The following ADGRF3 variants were observed in gnomAD, a reference collection of about 807,000 sequenced individuals.
ADGRF3 encodes G protein-coupled receptor 113.
Under a neutral mutation model 93.2 loss-of-function variants are expected in ADGRF3, and 85 were observed. The ratio of observed to expected loss-of-function variants is 0.91; its 90% CI spans 0.77 to 1.09. The LOEUF (loss-of-function observed/expected upper bound fraction) is 1.09. Among genes scored for constraint, ADGRF3 ranks in the 50% least tolerant of loss-of-function variants. The pLI is 0.00. For synonymous variants in ADGRF3, 534 were observed against 532.5 expected (o/e 1.00, Z -0.04); for missense variants, 1,125 against 1,246.2 (o/e 0.90, Z 1.46).
At chr2:26,314,305 T>C in intron 6 of ADGRF3, 109 bp downstream of exon 6, 1 of 1,032,684 alleles carries the variant, frequency 9.7e-7, no homozygotes, top group South Asian at 1.6e-5. Context: ...GACCCCACTC[T>C]CTGGTTGAAC....
chr2:26,339,411 G>A (rs548313775), intron 1 of ADGRF3, among the ~76,000 whole-genome samples: 101 of 152,070 alleles, frequency 6.6e-4, no homozygotes, highest in Non-Finnish European at 1.2e-3. Flanking sequence ...CTTGAGAATC[G>A]CTTGATCCCG....
chr2:26,319,004 G>A (rs1202510108), intron 1 of ADGRF3: 1 of 1,551,718 alleles, frequency 6.4e-7, no homozygotes, highest in Non-Finnish European at 8.7e-7. Flanking sequence ...CCCAGCAGGG[G>A]AAGAGTTGTG....
Position 26,336,718 on chromosome 2 carries a change from T to G in ADGRF3, c.114+9403A>C, listed in dbSNP as rs558200943. On this transcript the variant is annotated intron_variant, in intron 1 of 13. Transcript: ENST00000651242. ...TCCAACCTTGGTGACAGAGTGAGAC[T>G]CCATAAAAAAAAAAAAAAAAAAAAA... 1.7e-3 allele frequency among the ~76,000 whole-genome samples: 98 copies of G among 56,908 alleles called. 1 individual carries two copies. Among genetic ancestry groups the G allele is most frequent in the African/African-American group, 6.7e-3 (91 of 13,568 alleles). The allele number at this position is 56,908 out of a possible 152,430, so 37.3% of individuals were successfully genotyped here.
At position 26,309,027 on chromosome 2, in the gene ADGRF3, C is replaced by G; in HGVS notation, c.*59G>C. Reference sequence around the variant, plus strand: ...TTCAGAGCATTGGGCCAGGGCTCATCTGGTGGGTTCAAGCACACAGCCTCA... The same window carrying G: ...TTCAGAGCATTGGGCCAGGGCTCATGTGGTGGGTTCAAGCACACAGCCTCA... On this transcript the variant is annotated 3_prime_UTR_variant, in exon 14 of 14. Coordinates refer to ENST00000651242, the MANE Select transcript of ADGRF3 (RefSeq NM_001321971.2). 1 of 1,613,402 alleles carries G rather than the reference C, an allele frequency of 6.2e-7. No individual in the cohort carries two copies. The highest frequency in any genetic ancestry group is 1.1e-5 in the South Asian group (1 of 91,064).
At position 26,308,212 on chromosome 2, in the gene ADGRF3, C is replaced by T. The variant is rs1415518128; in HGVS notation, c.*874G>A. The stretch of plus-strand genomic sequence containing the variant: ...CATTTTTATTTTAACAGAAAATGCC[C>T]CCGTCCCATTTTATAAAAAATATCC... On this transcript the variant is annotated 3_prime_UTR_variant, in exon 14 of 14. Coordinates refer to ENST00000651242, the MANE Select transcript of ADGRF3 (RefSeq NM_001321971.2). 1 of 151,920 alleles carries T rather than the reference C, an allele frequency of 6.6e-6. No individual in the cohort carries two copies. Among genetic ancestry groups the T allele is most frequent in the African/African-American group, 2.4e-5 (1 of 41,350 alleles). 9.4% of individuals were successfully genotyped at this position (151,920 alleles called of 1,614,324 possible). A position where few individuals can be genotyped will look rare whatever the true frequency, so the allele number is the denominator to read the frequency against.
chr2:26,332,569 G>A (rs772186549), intron 1 of ADGRF3, among the ~76,000 whole-genome samples: 2 of 151,930 alleles, frequency 1.3e-5, no homozygotes, highest in African/African-American at 4.8e-5. Flanking sequence ...GTGAAACCCC[G>A]TCTCTACAAA....
At chr2:26,309,294 TC>T in intron 13 of ADGRF3, 187 bp from the exon 14 acceptor site, 1 of 1,524,282 alleles carries the variant, frequency 6.6e-7, no homozygotes, top group Non-Finnish European at 8.8e-7. Flanking sequence ...TGGTGAAACT[TC>T]TTGCTTTCTT....
At chr2:26,331,177 A>G (rs1675745445) in intron 1 of ADGRF3, among the ~76,000 whole-genome samples, 1 of 152,154 alleles carries the variant, frequency 6.6e-6, no homozygotes, top group East Asian at 1.9e-4. Flanking sequence ...GATCATCTTT[A>G]TGATTATCAA....
chr2:26,309,154 T>G, intron 13 of ADGRF3, 47 bp from the exon 14 acceptor site: 1 of 1,614,036 alleles, frequency 6.2e-7, no homozygotes, highest in Non-Finnish European at 8.5e-7. Flanking sequence ...GCCCAACTTC[T>G]GCAGGCTGCC....
At chr2:26,312,105 T>A (rs1489121509) in intron 9 of ADGRF3, 31 bp from the exon 10 acceptor site, 5 of 1,569,784 alleles carry the variant, frequency 3.2e-6, no homozygotes, top group Non-Finnish European at 4.3e-6. Context: ...ATGAACCCCG[T>A]CTGCTGGCGC....
intron 3 of ADGRF3, among the ~76,000 whole-genome samples, chr2:26,316,704 C>G (rs376654498): frequency 6.6e-6 from 1 of 152,090 alleles, no homozygotes; most frequent in Non-Finnish European, 1.5e-5. Flanking sequence ...GGGCCATCAG[C>G]CAAAGTTAGA....
In ADGRF3 at chr2:26,314,483, G is replaced by A. The variant is rs765614949; in HGVS notation, c.859C>T (p.Leu287=). 1.2e-6 allele frequency: 2 copies of A among 1,614,064 alleles called. No homozygotes were observed. The highest frequency in any genetic ancestry group is 1.7e-6 in the Non-Finnish European group (2 of 1,179,898). Reference sequence around the variant, plus strand: ...TTTGTGCTGGGGATGCAGCAGCTCAGCTGGAAGCCAGGGGAGGTGGCACAG... The same window carrying A: ...TTTGTGCTGGGGATGCAGCAGCTCAACTGGAAGCCAGGGGAGGTGGCACAG... ...ISCATSPGFQ[L]SCCIPSTNLA... The change falls in exon 6 of 14, where the codon CTG becomes TTG. Residue 287 remains leucine (L), a synonymous_variant. Coordinates refer to ENST00000651242, the MANE Select transcript of ADGRF3 (RefSeq NM_001321971.2).
At chr2:26,328,287 A>C (rs550324670) in intron 1 of ADGRF3, among the ~76,000 whole-genome samples, 2 of 152,072 alleles carry the variant, frequency 1.3e-5, no homozygotes, top group Middle Eastern at 3.4e-3. Flanking sequence ...AGCAGTTATG[A>C]TGTGTTTAAG....
rs200197107 is a variant in ADGRF3 at position 26,316,411 on chromosome 2, A to G, written c.363T>C (p.Ala121=). The change falls in exon 4 of 14, where the codon GCT becomes GCC. Residue 121 remains alanine (A), a synonymous_variant. Transcript: ENST00000651242. ...TGTTCCACTGGTAGCCAGAGAGGCA[A>G]GCACAATAGAAATTCCCCTTGTGGT... is the stretch of plus-strand genomic sequence containing the variant. The part of the protein sequence containing the change: ...NVNHKGNFYC[A]CLSGYQWNTS... The G allele has an allele frequency of 8.3e-5, 129 of 1,551,676 alleles. No individual in the cohort carries two copies. The highest frequency in any genetic ancestry group is 1.1e-4 in the Non-Finnish European group (124 of 1,147,022).
intron 1 of ADGRF3, among the ~76,000 whole-genome samples, chr2:26,342,461 AT>A (rs1230026086): frequency 6.6e-6 from 1 of 152,156 alleles, no homozygotes; most frequent in African/African-American, 2.4e-5. Flanking sequence ...AACCTCCAAT[AT>A]TTTTTGGCTG....
rs192432656 is a variant in ADGRF3 at position 26,310,634 on chromosome 2, G to C, written c.2832+58C>G. 4 of 1,513,654 alleles carry C rather than the reference G, an allele frequency of 2.6e-6. No individual in the cohort carries two copies. The South Asian group carries it at 4.9e-5, about 19-fold the overall frequency. The allele number at this position is 1,513,654 out of a possible 1,614,324, so 93.8% of individuals were successfully genotyped here. A position where few individuals can be genotyped will look rare whatever the true frequency, so the allele number is the denominator to read the frequency against. ...CTTGGTACCTCCTAGAGAAGAGATC[G>C]GCAGTGACTTAGACCATCTAAAAAA... is the stretch of plus-strand genomic sequence containing the variant. On this transcript the variant is annotated intron_variant, in intron 10 of 13. Transcript: ENST00000651242.
intron 2 of ADGRF3, among the ~76,000 whole-genome samples, chr2:26,317,272 A>G (rs1036270968): frequency 1.3e-5 from 2 of 152,150 alleles, no homozygotes; most frequent in Non-Finnish European, 2.9e-5. Context: ...CCGTCCAGCA[A>G]CACCTATTTT....
chr2:26,325,700 T>G (rs1675399278), intron 1 of ADGRF3, among the ~76,000 whole-genome samples: 1 of 152,206 alleles, frequency 6.6e-6, no homozygotes, highest in Non-Finnish European at 1.5e-5. Context: ...GGAGAAGAAC[T>G]GTTTCTTCTA....
rs58453991 is a variant in ADGRF3 at position 26,310,940 on chromosome 2, C to T, written c.2584G>A (p.Val862Met). The change falls in exon 10 of 14, where the codon GTG becomes ATG. Residue 862 changes from valine to methionine, a missense_variant. Transcript: ENST00000651242. The stretch of plus-strand genomic sequence containing the variant: ...CCTATGATGGCCAGCACTGGCCCCA[C>T]GAAGGTGTATAACGCCCCTCCCTTC... ...DGKGGALYTF[V>M]GPVLAIIGVN... The T allele has an allele frequency of 4.3e-4, 701 of 1,613,540 alleles. 2 individuals carry two copies. The African/African-American group carries it at 4.9e-3, about 11-fold the overall frequency.
Sources: allele counts gnomAD v4.1 joint callset (sites outside exome capture counted in the v4.1 genomes callset), GRCh38; gene constraint gnomAD v4.1.1; transcripts MANE v1.5; gene names NCBI Gene and HGNC (gene_info 2026-07-23, HGNC 2026-07-21).